ATP6V0D2: variants seen among roughly 807,000 people sequenced by gnomAD.
ATP6V0D2 encodes the protein V-type proton ATPase subunit d 2.
ATP6V0D2 carries 40 observed loss-of-function variants against 40.0 expected under a neutral mutation model. That is an observed-to-expected ratio of 1.00 (90% CI 0.78 to 1.30). The LOEUF (loss-of-function observed/expected upper bound fraction) is 1.30, where lower values mean the gene tolerates loss of function less well. Ranked by LOEUF, ATP6V0D2 falls within the 50% of genes most tolerant of loss-of-function variation. The pLI, the probability that ATP6V0D2 is intolerant of heterozygous loss-of-function variation, is 0.00. For missense variants in ATP6V0D2, 470 were observed against 423.1 expected (o/e 1.11, Z -0.97); for synonymous variants, 179 against 156.3 (o/e 1.15, Z -1.08).
intron 2 of ATP6V0D2, among the ~76,000 whole-genome samples, chr8:86,137,515 G>A (rs1369468651): frequency 6.6e-6 from 1 of 152,000 alleles, no homozygotes; most frequent in Non-Finnish European, 1.5e-5. Context: ...TGACCCGCTC[G>A]CCCAAATGTC....
intron 2 of ATP6V0D2, among the ~76,000 whole-genome samples, chr8:86,114,394 G>A (rs960082867): frequency 2.6e-5 from 4 of 152,276 alleles, no homozygotes; most frequent in Middle Eastern, 3.4e-3. Context: ...ATTTGGGGCC[G>A]GGAGCTGCGG....
At chr8:86,151,613 G>T in intron 7 of ATP6V0D2, 73 bp downstream of exon 7, 1 of 1,288,802 alleles carries the variant, frequency 7.8e-7, no homozygotes, top group South Asian at 1.3e-5. Flanking sequence ...CTTACTTTGG[G>T]TTTTCTTTTT....
chr8:86,152,234 C>A (rs10113447), intron 7 of ATP6V0D2, among the ~76,000 whole-genome samples: 18,110 of 152,076 alleles, frequency 0.12, 2,875 homozygotes, highest in African/African-American at 0.37. Context: ...TTATCCATGT[C>A]CCTGCAAAGG....
chr8:86,147,486 A>G (rs1819086968), intron 5 of ATP6V0D2, among the ~76,000 whole-genome samples: 1 of 152,204 alleles, frequency 6.6e-6, no homozygotes, highest in African/African-American at 2.4e-5. Flanking sequence ...ACAGGAACTA[A>G]GTCACACTAA....
Position 86,139,599 on chromosome 8 carries a change from G to A in ATP6V0D2, c.445G>A (p.Asp149Asn). The A allele has an allele frequency of 2.5e-6, 4 of 1,612,640 alleles. No individual in the cohort carries two copies. In the South Asian group the frequency reaches 3.3e-5, roughly 13 times the overall value. The change falls in exon 3 of 8, where the codon GAT (aspartate) becomes AAT (asparagine). Residue 149 changes from aspartate to asparagine, a missense_variant. Asp to Asn is a conservative substitution (Grantham distance 23, BLOSUM62 1). Coordinates refer to ENST00000285393, the MANE Select transcript of ATP6V0D2 (RefSeq NM_152565.1). ...EAVNIAETPS[D>N]LFNAILIETP... ...TGTCAACATTGCAGAGACACCTTCAGATCTCTTTAATGCCATTCTGATCGA... is the reference window on the plus strand; with the variant it reads ...TGTCAACATTGCAGAGACACCTTCAAATCTCTTTAATGCCATTCTGATCGA...
intron 3 of ATP6V0D2, among the ~76,000 whole-genome samples, chr8:86,141,073 C>T (rs1818964501): frequency 6.6e-6 from 1 of 152,058 alleles, no homozygotes; most frequent in Non-Finnish European, 1.5e-5. Flanking sequence ...CTAATGCTGC[C>T]GTTGATCTGA....
intron 2 of ATP6V0D2, among the ~76,000 whole-genome samples, chr8:86,119,321 C>A (rs1261282033): frequency 1.3e-5 from 2 of 151,698 alleles, no homozygotes; most frequent in Non-Finnish European, 2.9e-5. Flanking sequence ...CTCCACCCCC[C>A]AGGTTCAAGT....
At chr8:86,138,533 C>G (rs1348265004) in intron 2 of ATP6V0D2, among the ~76,000 whole-genome samples, 1 of 152,000 alleles carries the variant, frequency 6.6e-6, no homozygotes, top group African/African-American at 2.4e-5. Flanking sequence ...GTATCCCGAG[C>G]AGAGCTTATA....
Position 86,112,279 on chromosome 8 carries a change from T to G in ATP6V0D2, c.131-1430T>G, listed in dbSNP as rs372700418. 7.9e-5 allele frequency among the ~76,000 whole-genome samples: 12 copies of G among 152,340 alleles called. No homozygotes were observed. In the South Asian group the frequency reaches 2.5e-3, roughly 32 times the overall value. On this transcript the variant is annotated intron_variant, in intron 1 of 7. Coordinates refer to ENST00000285393, the MANE Select transcript of ATP6V0D2 (RefSeq NM_152565.1). ...ATTCAGATGCATGAGAGTGAATAAT[T>G]CTGCCTGAGATAATTAAATCTTTAC...
intron 2 of ATP6V0D2, among the ~76,000 whole-genome samples, chr8:86,129,787 A>G (rs1818793443): frequency 6.7e-6 from 1 of 150,066 alleles, no homozygotes; most frequent in Non-Finnish European, 1.5e-5. Flanking sequence ...TGGGCAACAG[A>G]GTCAGCCTCT....
At chr8:86,104,179 C>T (rs1466505396) in intron 1 of ATP6V0D2, among the ~76,000 whole-genome samples, 1 of 151,728 alleles carries the variant, frequency 6.6e-6, no homozygotes, top group Non-Finnish European at 1.5e-5. Flanking sequence ...ATCAAGTGTC[C>T]CTCTGCAGGA....
In ATP6V0D2 at chr8:86,141,675, C is replaced by T. The variant is rs55838745; in HGVS notation, c.561+146C>T. 0.027 allele frequency: 15,422 copies of T among 562,782 alleles called. 445 individuals are homozygous for T. Among genetic ancestry groups the T allele is most frequent in the African/African-American group, 0.11 (5,851 of 52,154 alleles). The allele number at this position is 562,782 out of a possible 1,614,324, so 34.9% of individuals were successfully genotyped here. A position where few individuals can be genotyped will look rare whatever the true frequency, so the allele number is the denominator to read the frequency against. ...TGGAATATAGCTTTTATAGTTCTGG[C>T]CTGTCCTCTAGTTAAATGCATGCAT... On this transcript the variant is annotated intron_variant, in intron 4 of 7. Coordinates refer to ENST00000285393, the MANE Select transcript of ATP6V0D2 (RefSeq NM_152565.1).
At chr8:86,118,685 T>C (rs1031739851) in intron 2 of ATP6V0D2, among the ~76,000 whole-genome samples, 2 of 152,232 alleles carry the variant, frequency 1.3e-5, no homozygotes, top group South Asian at 4.1e-4. Context: ...ACAGTAAAGA[T>C]TCCTGAGCTG....
At chr8:86,106,150 G>T (rs907166363) in intron 1 of ATP6V0D2, among the ~76,000 whole-genome samples, 1 of 151,446 alleles carries the variant, frequency 6.6e-6, no homozygotes, top group African/African-American at 2.4e-5. Flanking sequence ...TTGAGACAGG[G>T]TCTCATTCTG....
intron 3 of ATP6V0D2, among the ~76,000 whole-genome samples, chr8:86,140,254 G>A (rs1000424355): frequency 6.6e-6 from 1 of 152,078 alleles, no homozygotes; most frequent in African/African-American, 2.4e-5. Context: ...ATATTGTCAG[G>A]AAATCTGGAT....
At chr8:86,138,967 C>T (rs1230830422) in intron 2 of ATP6V0D2, among the ~76,000 whole-genome samples, 1 of 152,162 alleles carries the variant, frequency 6.6e-6, no homozygotes, top group Non-Finnish European at 1.5e-5. Context: ...ATGGCTCATG[C>T]CTATAATTCC....
At chr8:86,139,919 C>G (rs971127599) in intron 3 of ATP6V0D2, among the ~76,000 whole-genome samples, 2 of 152,178 alleles carry the variant, frequency 1.3e-5, no homozygotes, top group Non-Finnish European at 2.9e-5. Context: ...GCTCATCTCT[C>G]AACCTTCAAA....
At chr8:86,100,065 T>C (rs1037596371) in intron 1 of ATP6V0D2, among the ~76,000 whole-genome samples, 2 of 151,802 alleles carry the variant, frequency 1.3e-5, no homozygotes, top group Non-Finnish European at 2.9e-5. Context: ...CAAGAGCTGT[T>C]ACTGGTGGGG....
intron 2 of ATP6V0D2, among the ~76,000 whole-genome samples, chr8:86,136,140 C>A (rs1191985696): frequency 6.6e-6 from 1 of 152,152 alleles, no homozygotes; most frequent in Non-Finnish European, 1.5e-5. Context: ...ATTTTAGAAA[C>A]AAGGCCACTC....
Sources: gnomAD v4.1 joint callset for allele counts (sites outside exome capture counted in the v4.1 genomes callset) on GRCh38, gnomAD v4.1.1 for gene constraint, MANE v1.5 for transcripts, NCBI Gene and HGNC (gene_info 2026-07-23, HGNC 2026-07-21) for gene names.